The following GRIN2B variants were observed in gnomAD, a reference collection of about 807,000 sequenced individuals.
GRIN2B encodes the protein glutamate receptor ionotropic, NMDA 2B.
Under a neutral mutation model 114.5 loss-of-function variants are expected in GRIN2B, and 5 were observed. The observed-to-expected ratio is 0.04, with a 90% CI of 0.02 to 0.09. The LOEUF (loss-of-function observed/expected upper bound fraction) is 0.09. GRIN2B is among the 10% of genes least tolerant of loss of function. The pLI, the probability that GRIN2B is intolerant of heterozygous loss-of-function variation, is 1.00. For missense variants in GRIN2B, 1,108 were observed against 1,943.5 expected (o/e 0.57, Z 8.08); for synonymous variants, 787 against 745.1 (o/e 1.06, Z -0.92).
chr12:13,812,366 C>A (rs1305283594), intron 3 of GRIN2B, among the ~76,000 whole-genome samples: 4 of 152,138 alleles, frequency 2.6e-5, no homozygotes. Context: ...CCTGAAATAA[C>A]TTCTGGGCTC....
intron 10 of GRIN2B, among the ~76,000 whole-genome samples, chr12:13,605,063 CA>C (rs35430618): frequency 7.7e-6 from 1 of 129,084 alleles, no homozygotes; most frequent in African/African-American, 2.9e-5. Flanking sequence ...CCTCTCTCCC[CA>C]CAGACTCTTT....
At chr12:13,924,946 A>G (rs1866889846) in intron 2 of GRIN2B, among the ~76,000 whole-genome samples, 1 of 152,112 alleles carries the variant, frequency 6.6e-6, no homozygotes, top group South Asian at 2.1e-4. Context: ...ACATGGACAA[A>G]ACCTTCCTTA....
intron 4 of GRIN2B, among the ~76,000 whole-genome samples, chr12:13,688,324 T>A (rs1950188148): frequency 6.6e-6 from 1 of 152,176 alleles, no homozygotes; most frequent in African/African-American, 2.4e-5. Flanking sequence ...GGTCCATCAG[T>A]TGTTTTAAAT....
rs1009622864 is a variant in GRIN2B at position 13,547,777 on chromosome 12, C to G, written c.*15006G>C. 2.0e-5 allele frequency: 3 copies of G among 151,732 alleles called. No homozygotes were observed. The highest frequency in any genetic ancestry group is 4.4e-5 in the Non-Finnish European group (3 of 67,932). 9.4% of individuals were successfully genotyped at this position (151,732 alleles called of 1,614,324 possible). ...CAAAAATACTCCAACTTCCCTGATT[C>G]TTTTGGAAGTTATTGGGCATCTGCA... On this transcript the variant is annotated 3_prime_UTR_variant, in exon 14 of 14. Coordinates refer to ENST00000609686, the MANE Select transcript of GRIN2B (RefSeq NM_000834.5).
chr12:13,737,490 C>T (rs1469877482), intron 4 of GRIN2B, among the ~76,000 whole-genome samples: 1 of 152,174 alleles, frequency 6.6e-6, no homozygotes, highest in Non-Finnish European at 1.5e-5. Context: ...GGATTACAGG[C>T]TTGAACCACT....
chr12:13,948,449 A>C (rs1470727376), intron 2 of GRIN2B, among the ~76,000 whole-genome samples: 1 of 152,182 alleles, frequency 6.6e-6, no homozygotes, highest in African/African-American at 2.4e-5. Flanking sequence ...GCTAGAGATA[A>C]AGCACAGTCT....
intron 2 of GRIN2B, among the ~76,000 whole-genome samples, chr12:13,964,010 G>A (rs919857190): frequency 1.3e-5 from 2 of 152,184 alleles, no homozygotes; most frequent in African/African-American, 2.4e-5. Context: ...CTGGGGTCCT[G>A]ATGGAGACTT....
At chr12:13,956,472 T>G (rs1010710948) in intron 2 of GRIN2B, among the ~76,000 whole-genome samples, 3 of 152,216 alleles carry the variant, frequency 2.0e-5, no homozygotes, top group African/African-American at 4.8e-5. Flanking sequence ...GGGCAGTAAC[T>G]CTTTCTCTCT....
In GRIN2B at chr12:13,753,696, C is replaced by T. The variant is rs1295510907; in HGVS notation, c.631G>A (p.Asp211Asn). 3 of 1,613,948 alleles carry T rather than the reference C, an allele frequency of 1.9e-6. No homozygotes were observed. Among genetic ancestry groups the T allele is most frequent in the African/African-American group, 2.7e-5 (2 of 74,930 alleles). Residue 211 changes from aspartate (D) to asparagine (N), a missense_variant, in exon 4 of 14, where the codon GAT becomes AAT. Physicochemically the swap from Asp to Asn is conservative, Grantham distance 23. Coordinates refer to ENST00000609686, the MANE Select transcript of GRIN2B (RefSeq NM_000834.5). The surrounding 1 kb of genome is among the most constrained non-coding windows in gnomAD (Gnocchi z 6.2). Reference sequence around the variant, plus strand: ...TGATTCTGGATCTTAGAATCTCCATCGTCCAGGGACATGTCCAGTAGGAGG... The same window carrying T: ...TGATTCTGGATCTTAGAATCTCCATTGTCCAGGGACATGTCCAGTAGGAGG... Reference protein sequence around the residue: ...EVLLLDMSLDDGDSKIQNQLK... With the variant: ...EVLLLDMSLDNGDSKIQNQLK...
intron 10 of GRIN2B, among the ~76,000 whole-genome samples, chr12:13,590,760 A>T (rs1474055151): frequency 6.6e-6 from 1 of 152,120 alleles, no homozygotes; most frequent in Non-Finnish European, 1.5e-5. Context: ...TTGGGCATAT[A>T]CCCGGCAATG....
rs1472391131 is a variant in GRIN2B at position 13,621,620 on chromosome 12, T to G, written c.1126-4963A>C. Among the ~76,000 whole-genome samples, 117 of 145,296 alleles carry G rather than the reference T, an allele frequency of 8.1e-4. 1 individual carries two copies. The highest frequency in any genetic ancestry group is 2.4e-3 in the African/African-American group (95 of 38,956). ...AAAAATTGCCTAGTTTTTGTTTTTT[T>G]TTTTTTTTTTTTTTTTTTTTCAGAA... is the stretch of plus-strand genomic sequence containing the variant. On this transcript the variant is annotated intron_variant, in intron 5 of 13. Coordinates refer to ENST00000609686, the MANE Select transcript of GRIN2B (RefSeq NM_000834.5).
chr12:13,777,346 T>G (rs957020639), intron 3 of GRIN2B, among the ~76,000 whole-genome samples: 5 of 152,112 alleles, frequency 3.3e-5, no homozygotes, highest in Non-Finnish European at 7.4e-5. Flanking sequence ...TCCTGACCAC[T>G]CAATAGTTTC....
chr12:13,571,974 GAA>G lies in GRIN2B; in HGVS notation c.2011-12_2011-11del. The G allele has an allele frequency of 6.2e-7, 1 of 1,610,326 alleles. No individual in the cohort carries two copies. Among genetic ancestry groups the G allele is most frequent in the East Asian group, 2.2e-5 (1 of 44,862 alleles). On this transcript the variant is annotated splice_polypyrimidine_tract_variant and intron_variant, in intron 10 of 13. Transcript: ENST00000609686. Reference sequence around the variant, plus strand: ...CATTAGGTCTCTGGAACTGGAGAGAGAAAGACAGATAGAGACAGAGCGGGAGA... The same window carrying G: ...CATTAGGTCTCTGGAACTGGAGAGAGAGACAGATAGAGACAGAGCGGGAGA...
intron 2 of GRIN2B, among the ~76,000 whole-genome samples, chr12:13,961,387 T>C (rs1867689433): frequency 1.3e-5 from 2 of 151,940 alleles, no homozygotes; most frequent in Non-Finnish European, 1.5e-5. Context: ...AGGGAAGAAA[T>C]GCTGCTGGAC....
In GRIN2B at chr12:13,547,981, A is replaced by ATATATATATATTTTTTTTTT; in HGVS notation, c.*14801_*14802insAAAAAAAAAATATATATATA. 3 of 68,592 alleles carry ATATATATATATTTTTTTTTT rather than the reference A, an allele frequency of 4.4e-5. No homozygotes were observed. The highest frequency in any genetic ancestry group is 5.8e-5 in the Non-Finnish European group (2 of 34,396). 4.2% of individuals were successfully genotyped at this position (68,592 alleles called of 1,614,324 possible). A position where few individuals can be genotyped will look rare whatever the true frequency, so the allele number is the denominator to read the frequency against. On this transcript the variant is annotated 3_prime_UTR_variant, in exon 14 of 14. Transcript: ENST00000609686. ...TGTGTATATATATATATATATATAT[A>ATATATATATATTTTTTTTTT]TTTTTTTTTTTTTTCTGAAAGCTAC...
chr12:13,745,849 TC>T (rs1272025457), intron 4 of GRIN2B, among the ~76,000 whole-genome samples: 3 of 152,288 alleles, frequency 2.0e-5, no homozygotes, highest in Admixed American at 2.0e-4. Flanking sequence ...TCCCTGGGCC[TC>T]GGGTTCCTTA....
intron 3 of GRIN2B, among the ~76,000 whole-genome samples, chr12:13,772,842 T>C (rs903939742): frequency 2.0e-5 from 3 of 152,140 alleles, no homozygotes; most frequent in African/African-American, 7.2e-5. Flanking sequence ...AATCACACTT[T>C]CCATTGCTAT....
At chr12:13,786,885 G>A (rs948242370) in intron 3 of GRIN2B, among the ~76,000 whole-genome samples, 20 of 151,986 alleles carry the variant, frequency 1.3e-4, no homozygotes, top group Admixed American at 3.3e-4. Context: ...AAAAGGGCCC[G>A]TTCAAGAGTG....
chr12:13,872,125 G>A (rs1865920366), intron 2 of GRIN2B, among the ~76,000 whole-genome samples: 1 of 151,960 alleles, frequency 6.6e-6, no homozygotes, highest in Non-Finnish European at 1.5e-5. Context: ...AAGACGGAAA[G>A]CTTGATTCTA....
Sources: allele counts gnomAD v4.1 joint callset (sites outside exome capture counted in the v4.1 genomes callset), GRCh38; gene constraint gnomAD v4.1.1; non-coding constraint Gnocchi (gnomAD v3.1); transcripts MANE v1.5; gene names NCBI Gene and HGNC (gene_info 2026-07-23, HGNC 2026-07-21).